The following DOCK11 variants were observed in gnomAD, a reference collection of about 807,000 sequenced individuals.
DOCK11 encodes dedicator of cytokinesis 11, also known as dedicator of cytokinesis protein 11.
A neutral mutation model predicts 169.1 loss-of-function variants in DOCK11; 70 were observed. That is an observed-to-expected ratio of 0.41 (90% CI 0.34 to 0.51). DOCK11 has a LOEUF of 0.51. Ranked by LOEUF, DOCK11 falls within the 20% of genes least tolerant of loss-of-function variation. The pLI, the probability that DOCK11 is intolerant of heterozygous loss-of-function variation, is 0.10. For synonymous variants in DOCK11, 529 were observed against 541.3 expected (o/e 0.98, Z 0.32); for missense variants, 1,166 against 1,538.8 (o/e 0.76, Z 4.05).
intron 1 of DOCK11, among the ~76,000 whole-genome samples, chrX:118,527,251 GC>G (rs1466250268): frequency 8.9e-6 from 1 of 112,360 alleles, no homozygotes; most frequent in Non-Finnish European, 1.9e-5. Flanking sequence ...AATTACATCT[GC>G]TTTTTTTCCC....
intron 26 of DOCK11, 22 bp from the exon 27 acceptor site, chrX:118,609,256 A>G: frequency 8.7e-7 from 1 of 1,149,978 alleles, no homozygotes. Context: ...ACCGTTAAAG[A>G]TTCTCTTTCT....
chrX:118,656,762 A>G (rs1383472621), intron 44 of DOCK11, among the ~76,000 whole-genome samples: 1 of 111,592 alleles, frequency 9.0e-6, no homozygotes, highest in Non-Finnish European at 1.9e-5. Flanking sequence ...CAGGAGTTCA[A>G]GACCACCCTA....
intron 7 of DOCK11, among the ~76,000 whole-genome samples, chrX:118,562,477 GTCAA>G: frequency 9.0e-6 from 1 of 111,327 alleles, no homozygotes; most frequent in African/African-American, 3.3e-5. Flanking sequence ...TATAGTTTGG[GTCAA>G]TCATTTGCCT....
At chrX:118,668,897 T>C (rs2016401407) in intron 45 of DOCK11, among the ~76,000 whole-genome samples, 1 of 111,556 alleles carries the variant, frequency 9.0e-6, no homozygotes, top group Non-Finnish European at 1.9e-5. Context: ...AGACACACCA[T>C]TGTGCTTCAG....
intron 1 of DOCK11, among the ~76,000 whole-genome samples, chrX:118,508,791 C>T (rs1027510473): frequency 1.8e-5 from 2 of 112,091 alleles, no homozygotes; most frequent in African/African-American, 6.5e-5. Context: ...ACTTGGCCTC[C>T]GTCTGTCCCT....
At chrX:118,507,978 G>A (rs191657413) in intron 1 of DOCK11, among the ~76,000 whole-genome samples, 1 of 110,156 alleles carries the variant, frequency 9.1e-6, no homozygotes, top group East Asian at 2.9e-4. Context: ...TGTGGTTTTG[G>A]TGATGATCTC....
chrX:118,567,875 T>C (rs1350750711), intron 9 of DOCK11, among the ~76,000 whole-genome samples: 1 of 112,086 alleles, frequency 8.9e-6, no homozygotes, highest in African/African-American at 3.2e-5. Flanking sequence ...ATAATGGCTA[T>C]GAAAACTATG....
At chrX:118,496,807 G>T (rs1356645358) in intron 1 of DOCK11, among the ~76,000 whole-genome samples, 2 of 111,538 alleles carry the variant, frequency 1.8e-5, no homozygotes, top group Admixed American at 1.9e-4. Flanking sequence ...CCAAGGGGAC[G>T]GTGCCGTGGG....
At chrX:118,647,599 A>ATAATATATAATATATT (rs1405263865) in intron 40 of DOCK11, among the ~76,000 whole-genome samples, 1 of 49,902 alleles carries the variant, frequency 2.0e-5, no homozygotes, top group Admixed American at 3.1e-4. Flanking sequence ...CTTATATATT[A>ATAATATATAATATATT]ATATATAAAT....
At chrX:118,643,623 T>C in intron 40 of DOCK11, 29 bp downstream of exon 40, 5 of 1,202,573 alleles carry the variant, frequency 4.2e-6, no homozygotes, top group East Asian at 3.0e-5. Context: ...GAGCAGCCGG[T>C]GGGCTCTCTT....
intron 12 of DOCK11, among the ~76,000 whole-genome samples, chrX:118,576,129 C>T (rs187421766): frequency 3.6e-5 from 4 of 112,022 alleles, no homozygotes. Context: ...ATAATTTGAT[C>T]AAGAATATTA....
At chrX:118,622,949 C>G (rs976204144) in intron 31 of DOCK11, among the ~76,000 whole-genome samples, 3 of 112,407 alleles carry the variant, frequency 2.7e-5, no homozygotes, top group African/African-American at 9.7e-5. Flanking sequence ...GGAGCGGTGG[C>G]TCACGCCTGT....
intron 23 of DOCK11, among the ~76,000 whole-genome samples, chrX:118,603,578 T>C (rs1295825362): frequency 2.7e-5 from 3 of 112,390 alleles, no homozygotes; most frequent in Non-Finnish European, 3.8e-5. Context: ...GTGCATTTTG[T>C]ATATTCCATG....
At chrX:118,590,146 G>A in intron 18 of DOCK11, 64 bp from the exon 19 acceptor site, 1 of 991,741 alleles carries the variant, frequency 1.0e-6, no homozygotes, top group East Asian at 3.1e-5. Context: ...ACTATATGTG[G>A]TTCCATGGCA....
At chrX:118,584,353 A>G (rs1007029929) in intron 14 of DOCK11, among the ~76,000 whole-genome samples, 27 of 112,417 alleles carry the variant, frequency 2.4e-4, no homozygotes, top group Non-Finnish European at 3.6e-4. Context: ...CTTGAGATTC[A>G]TCCATATTGT....
At chrX:118,596,982 G>A (rs751303628) in intron 20 of DOCK11, among the ~76,000 whole-genome samples, 1 of 111,878 alleles carries the variant, frequency 8.9e-6, no homozygotes, top group Non-Finnish European at 1.9e-5. Flanking sequence ...ACATGTGATT[G>A]TTATCTGAAA....
At chrX:118,598,738 G>A (rs369453922) in intron 22 of DOCK11, among the ~76,000 whole-genome samples, 6 of 112,448 alleles carry the variant, frequency 5.3e-5, no homozygotes, top group East Asian at 5.6e-4. Flanking sequence ...GGTACTGAAT[G>A]CCTGAGACTA....
intron 24 of DOCK11, among the ~76,000 whole-genome samples, chrX:118,607,070 C>T (rs113611908): frequency 0.071 from 7,228 of 102,019 alleles, 231 homozygotes; most frequent in Non-Finnish European, 0.081. Context: ...TTTCCTTTTC[C>T]TTTCCTTTCC....
intron 45 of DOCK11, among the ~76,000 whole-genome samples, chrX:118,668,039 T>C (rs1446131922): frequency 8.9e-6 from 1 of 112,460 alleles, no homozygotes; most frequent in African/African-American, 3.2e-5. Context: ...CTTTTATGAT[T>C]TTCTACATAT....
Sources: allele counts gnomAD v4.1 joint callset (sites outside exome capture counted in the v4.1 genomes callset), GRCh38; gene constraint gnomAD v4.1.1; transcripts MANE v1.5; gene names NCBI Gene and HGNC (gene_info 2026-07-23, HGNC 2026-07-21).